Variants in MDGA2 observed in about 807,000 individuals in gnomAD.
MDGA2 encodes the protein MAM domain containing glycosylphosphatidylinositol anchor 2.
Under a neutral mutation model 117.8 loss-of-function variants are expected in MDGA2, and 40 were observed. That is an observed-to-expected ratio of 0.34 (90% CI 0.26 to 0.44). MDGA2 has a LOEUF of 0.44. Ranked by LOEUF, MDGA2 falls within the 20% of genes least tolerant of loss-of-function variation. The probability of loss-of-function intolerance (pLI) is 1.00; values close to 1 mark genes in which losing one functional copy is unlikely to be tolerated. For missense variants in MDGA2, 1,123 were observed against 1,250.6 expected, an observed-to-expected ratio of 0.90 and a Z score of 1.54; for synonymous variants, 452 against 439.0, an observed-to-expected ratio of 1.03 and a Z score of -0.37.
intron 4 of MDGA2, among the ~76,000 whole-genome samples, chr14:47,139,904 A>G (rs190437841): frequency 2.7e-5 from 4 of 149,356 alleles, no homozygotes; most frequent in African/African-American, 7.3e-5. Context: ...ATATATATAC[A>G]CATATGGAGA....
chr14:47,259,534 T>G (rs1253521360), intron 2 of MDGA2, among the ~76,000 whole-genome samples: 1 of 152,116 alleles, frequency 6.6e-6, no homozygotes, highest in Non-Finnish European at 1.5e-5. Context: ...AGAAACCTGT[T>G]TGGCTTGTTT....
intron 1 of MDGA2, among the ~76,000 whole-genome samples, chr14:47,302,671 G>A (rs77733260): frequency 0.029 from 4,391 of 151,982 alleles, 147 homozygotes; most frequent in East Asian, 0.18. Flanking sequence ...GTGATTCTAT[G>A]GAAGAAAAAA....
At chr14:47,223,093 C>T (rs1886358974) in intron 2 of MDGA2, among the ~76,000 whole-genome samples, 1 of 152,092 alleles carries the variant, frequency 6.6e-6, no homozygotes, top group Non-Finnish European at 1.5e-5. Context: ...AGCGGAAACA[C>T]CTGATAAACC....
chr14:47,112,095 G>C (rs764278339), intron 5 of MDGA2, among the ~76,000 whole-genome samples: 50 of 151,998 alleles, frequency 3.3e-4, no homozygotes, highest in Admixed American at 1.4e-3. Context: ...GAGGAACCTG[G>C]AATGCAGAAC....
chr14:47,534,177 G>C (rs1375931357), intron 1 of MDGA2, among the ~76,000 whole-genome samples: 1 of 152,100 alleles, frequency 6.6e-6, no homozygotes, highest in Non-Finnish European at 1.5e-5. Flanking sequence ...TTTAAAATAG[G>C]GGAAACATCT....
intron 1 of MDGA2, among the ~76,000 whole-genome samples, chr14:47,452,302 T>C (rs559791639): frequency 6.6e-6 from 1 of 152,274 alleles, no homozygotes; most frequent in South Asian, 2.1e-4. Flanking sequence ...GTAGATTATG[T>C]AGTATTTTGC....
rs1898163288 is a variant in MDGA2 at position 47,675,312 on chromosome 14, AGGAGGAAGAGGAGG to A, written c.-530_-517del. On this transcript the variant is annotated 5_prime_UTR_variant, in exon 1 of 17. Coordinates refer to ENST00000399232, the MANE Select transcript of MDGA2 (RefSeq NM_001113498.3). Reference sequence around the variant, plus strand: ...CAGACTCGCATCGCCGAACGGGGAGAGGAGGAAGAGGAGGAGGAGGAAGAGGAGGAGGAGGAAGA... The same window carrying A: ...CAGACTCGCATCGCCGAACGGGGAGAAGGAGGAAGAGGAGGAGGAGGAAGA... Among the ~76,000 whole-genome samples the A allele has an allele frequency of 1.9e-3, 1 of 528 alleles. No homozygotes were observed. The highest frequency in any genetic ancestry group is 4.3e-3 in the Non-Finnish European group (1 of 230). 0.3% of individuals were successfully genotyped at this position (528 alleles called of 152,430 possible).
chr14:46,960,870 T>C (rs1027751885), intron 8 of MDGA2, among the ~76,000 whole-genome samples: 7 of 141,194 alleles, frequency 5.0e-5, no homozygotes, highest in African/African-American at 2.0e-4. Context: ...ATTTTATATA[T>C]ACACATGTTT....
At chr14:47,643,231 A>C (rs182661543) in intron 1 of MDGA2, among the ~76,000 whole-genome samples, 1 of 152,230 alleles carries the variant, frequency 6.6e-6, no homozygotes, top group East Asian at 1.9e-4. Context: ...AAATTTTTAA[A>C]AGGAAAATAT....
intron 1 of MDGA2, among the ~76,000 whole-genome samples, chr14:47,463,060 A>G (rs1893525238): frequency 6.6e-6 from 1 of 152,138 alleles, no homozygotes; most frequent in African/African-American, 2.4e-5. Context: ...ACTAAAATCT[A>G]AGACTTGGAA....
intron 7 of MDGA2, among the ~76,000 whole-genome samples, chr14:47,050,173 A>G (rs796574016): frequency 1.3e-5 from 2 of 152,180 alleles, no homozygotes; most frequent in African/African-American, 4.8e-5. Context: ...TTCAGCCAGA[A>G]TTCACCTATG....
At chr14:46,959,274 TGTGTGTGTG>T (rs1885693455) in intron 8 of MDGA2, among the ~76,000 whole-genome samples, 1 of 141,394 alleles carries the variant, frequency 7.1e-6, no homozygotes, top group Non-Finnish European at 1.5e-5. Context: ...TGTGTGTGTG[TGTGTGTGTG>T]TGTGTGTGTG....
chr14:47,507,411 T>C (rs1894535645), intron 1 of MDGA2, among the ~76,000 whole-genome samples: 1 of 152,176 alleles, frequency 6.6e-6, no homozygotes, highest in East Asian at 1.9e-4. Flanking sequence ...GAAATCCATT[T>C]GCATAAAAAT....
At chr14:47,029,583 A>C (rs1359241653) in intron 8 of MDGA2, among the ~76,000 whole-genome samples, 5 of 152,168 alleles carry the variant, frequency 3.3e-5, no homozygotes, top group African/African-American at 1.2e-4. Flanking sequence ...CATTCAATGC[A>C]ATATATTCTC....
chr14:47,053,656 C>A (rs28408915), intron 7 of MDGA2, among the ~76,000 whole-genome samples: 1 of 65,292 alleles, frequency 1.5e-5, no homozygotes, highest in Non-Finnish European at 3.0e-5. Flanking sequence ...TATATATATA[C>A]ACACACACAC....
intron 6 of MDGA2, among the ~76,000 whole-genome samples, chr14:47,088,941 T>G (rs2138935641): frequency 6.6e-6 from 1 of 152,298 alleles, no homozygotes; most frequent in African/African-American, 2.4e-5. Flanking sequence ...TAGTTAGAAC[T>G]TGACATTAAG....
intron 7 of MDGA2, among the ~76,000 whole-genome samples, chr14:47,053,601 GTATATATATATATATATATATATATA>G (rs373802720): frequency 0.011 from 1,185 of 107,602 alleles, 26 homozygotes; most frequent in African/African-American, 0.042. Flanking sequence ...GTGTGTATGT[GTATATATATATATATATATATATATA>G]TATATATATA....
At chr14:47,006,290 A>C (rs1887706055) in intron 8 of MDGA2, among the ~76,000 whole-genome samples, 1 of 150,326 alleles carries the variant, frequency 6.7e-6, no homozygotes, top group Non-Finnish European at 1.5e-5. Context: ...TGTGGTATTA[A>C]TGTTTACAGT....
chr14:47,133,265 T>C (rs1198978057), intron 4 of MDGA2, among the ~76,000 whole-genome samples: 1 of 151,922 alleles, frequency 6.6e-6, no homozygotes, highest in Admixed American at 6.6e-5. Context: ...AACTATTCTC[T>C]TGTGTTACAG....
Sources: gnomAD v4.1 joint callset for allele counts (sites outside exome capture counted in the v4.1 genomes callset) on GRCh38, gnomAD v4.1.1 for gene constraint, MANE v1.5 for transcripts, NCBI Gene and HGNC (gene_info 2026-07-23, HGNC 2026-07-21) for gene names.